The following SORCS2 variants were observed in gnomAD, a reference collection of about 807,000 sequenced individuals.
SORCS2 encodes sortilin related VPS10 domain containing receptor 2.
A neutral mutation model predicts 141.6 loss-of-function variants in SORCS2; 100 were observed. The observed-to-expected ratio is 0.71, with a 90% CI of 0.60 to 0.83. The LOEUF (loss-of-function observed/expected upper bound fraction) is 0.83. Ranked by LOEUF, SORCS2 falls within the 40% of genes least tolerant of loss-of-function variation. The probability of loss-of-function intolerance (pLI) is 0.00; values close to 1 mark genes in which losing one functional copy is unlikely to be tolerated. For missense variants in SORCS2, 1,646 were observed against 1,560.2 expected, an observed-to-expected ratio of 1.05 and a Z score of -0.93; for synonymous variants, 789 against 676.9, an observed-to-expected ratio of 1.17 and a Z score of -2.57.
At chr4:7,300,043 G>A (rs1284212668) in intron 1 of SORCS2, among the ~76,000 whole-genome samples, 2 of 152,190 alleles carry the variant, frequency 1.3e-5, no homozygotes, top group African/African-American at 2.4e-5. Context: ...GAAAACTAAA[G>A]CCTGGCAGAA....
intron 3 of SORCS2, among the ~76,000 whole-genome samples, chr4:7,597,162 G>A (rs373555395): frequency 6.7e-6 from 1 of 150,010 alleles, no homozygotes; most frequent in African/African-American, 2.5e-5. Context: ...AGGGGAGGGG[G>A]TTATGGTAGT....
chr4:7,381,046 C>T (rs1006596990), intron 1 of SORCS2, among the ~76,000 whole-genome samples: 2 of 144,990 alleles, frequency 1.4e-5, no homozygotes, highest in African/African-American at 5.3e-5. Flanking sequence ...TGCGCCACTG[C>T]ACTCCAGCCT....
intron 3 of SORCS2, among the ~76,000 whole-genome samples, chr4:7,568,098 T>C (rs1281999767): frequency 6.6e-6 from 1 of 152,200 alleles, no homozygotes; most frequent in Admixed American, 6.5e-5. Flanking sequence ...CTGACTGCTT[T>C]TATTGGAGAA....
chr4:7,577,713 A>G (rs1715853489), intron 3 of SORCS2, among the ~76,000 whole-genome samples: 1 of 148,492 alleles, frequency 6.7e-6, no homozygotes, highest in African/African-American at 2.5e-5. Context: ...GAGAAGTTAT[A>G]TAGCATACAG....
Position 7,192,989 on chromosome 4 carries a change from C to G in SORCS2, c.343C>G (p.Arg115Gly), listed in dbSNP as rs1417718872. The change falls in exon 1 of 27, where the codon CGG becomes GGG. Residue 115 changes from arginine (R) to glycine (G), a missense_variant. Physicochemically the swap from Arg to Gly is moderately radical, Grantham distance 125 (BLOSUM62 -2). Coordinates refer to ENST00000507866, the MANE Select transcript of SORCS2 (RefSeq NM_020777.3). This position sits in a 1 kb window ranked among gnomAD's most constrained non-coding sequence, Gnocchi z 4.0. ...GEDGAPAAGY[R>G]RWERAAPLAG... Reference sequence around the variant, plus strand: ...GGACGGCGCCCCCGCCGCGGGCTACCGGCGCTGGGAGCGGGCGGCGCCGCT... The same window carrying G: ...GGACGGCGCCCCCGCCGCGGGCTACGGGCGCTGGGAGCGGGCGGCGCCGCT... 2.8e-6 allele frequency: 4 copies of G among 1,427,348 alleles called. No homozygotes were observed. 88.4% of individuals were successfully genotyped at this position (1,427,348 alleles called of 1,614,324 possible).
At chr4:7,504,253 C>T (rs1358978383) in intron 2 of SORCS2, among the ~76,000 whole-genome samples, 2 of 152,214 alleles carry the variant, frequency 1.3e-5, no homozygotes, top group African/African-American at 4.8e-5. Context: ...ATCTGGCGGC[C>T]ATCACTGTAA....
chr4:7,278,763 A>G (rs971689687), intron 1 of SORCS2, among the ~76,000 whole-genome samples: 10 of 152,174 alleles, frequency 6.6e-5, no homozygotes, highest in East Asian at 3.8e-4. Flanking sequence ...CTGCCACCCA[A>G]TGCTCCCTGT....
chr4:7,740,131 T>G, intron 26 of SORCS2, 69 bp from the exon 27 acceptor site: 1 of 1,392,806 alleles, frequency 7.2e-7, no homozygotes, highest in East Asian at 2.4e-5. Context: ...GCCACGACCG[T>G]GTCCCCTGTG....
chr4:7,266,872 C>A (rs950245149), intron 1 of SORCS2, among the ~76,000 whole-genome samples: 4 of 152,196 alleles, frequency 2.6e-5, no homozygotes, highest in African/African-American at 9.7e-5. Flanking sequence ...CCCAGCTCGG[C>A]CCCCTGTCGC....
intron 2 of SORCS2, among the ~76,000 whole-genome samples, chr4:7,515,602 G>A (rs1410977625): frequency 6.6e-6 from 1 of 152,214 alleles, no homozygotes; most frequent in African/African-American, 2.4e-5. Flanking sequence ...CAGGCTGTGG[G>A]GCAGATGCTG....
intron 23 of SORCS2, among the ~76,000 whole-genome samples, chr4:7,731,379 T>C (rs78747776): frequency 3.5e-4 from 54 of 152,324 alleles, no homozygotes; most frequent in African/African-American, 1.2e-3. Flanking sequence ...ATTATTAAGA[T>C]GTCCATACTA....
chr4:7,565,321 T>A (rs1335267783), intron 3 of SORCS2, among the ~76,000 whole-genome samples: 1 of 152,206 alleles, frequency 6.6e-6, no homozygotes, highest in Non-Finnish European at 1.5e-5. Flanking sequence ...AAGCTGTGGG[T>A]TCCATCCTGA....
intron 1 of SORCS2, among the ~76,000 whole-genome samples, chr4:7,331,784 C>T (rs913217031): frequency 2.6e-5 from 4 of 152,232 alleles, no homozygotes; most frequent in Non-Finnish European, 4.4e-5. Flanking sequence ...GGGTCAGTGG[C>T]TTCAGTCCTT....
intron 3 of SORCS2, among the ~76,000 whole-genome samples, chr4:7,598,202 C>T (rs1261498461): frequency 2.0e-5 from 3 of 152,004 alleles, no homozygotes; most frequent in Non-Finnish European, 4.4e-5. Context: ...CTCCTGACCT[C>T]GTGATCTGCC....
chr4:7,640,436 C>T (rs796324914), intron 4 of SORCS2, among the ~76,000 whole-genome samples: 1 of 120,894 alleles, frequency 8.3e-6, no homozygotes, highest in African/African-American at 3.3e-5. Flanking sequence ...GTGTGTGAGT[C>T]TACATGAGTG....
At chr4:7,635,641 C>A (rs764320240) in intron 3 of SORCS2, among the ~76,000 whole-genome samples, 1 of 152,150 alleles carries the variant, frequency 6.6e-6, no homozygotes, top group Non-Finnish European at 1.5e-5. Flanking sequence ...CATAAGCTCC[C>A]CAGTCGTTAG....
At chr4:7,351,995 C>T (rs1477053556) in intron 1 of SORCS2, among the ~76,000 whole-genome samples, 15 of 152,026 alleles carry the variant, frequency 9.9e-5, no homozygotes, top group Non-Finnish European at 1.8e-4. Context: ...ATCCATCCAC[C>T]ACTTACCCAT....
At chr4:7,615,345 C>T (rs1718690225) in intron 3 of SORCS2, among the ~76,000 whole-genome samples, 1 of 152,220 alleles carries the variant, frequency 6.6e-6, no homozygotes, top group South Asian at 2.1e-4. Flanking sequence ...TAGCTGAGGA[C>T]AAATGGGGCT....
intron 3 of SORCS2, among the ~76,000 whole-genome samples, chr4:7,595,277 C>T (rs1051159438): frequency 3.3e-5 from 5 of 152,190 alleles, no homozygotes; most frequent in Non-Finnish European, 7.3e-5. Flanking sequence ...CCTCTCCAGC[C>T]GTGCCACCCT....
Sources: allele counts gnomAD v4.1 joint callset (sites outside exome capture counted in the v4.1 genomes callset), GRCh38; gene constraint gnomAD v4.1.1; non-coding constraint Gnocchi (gnomAD v3.1); transcripts MANE v1.5; gene names NCBI Gene and HGNC (gene_info 2026-07-23, HGNC 2026-07-21).